The following DERA variants were observed in gnomAD, a reference collection of about 807,000 sequenced individuals.
The protein encoded by DERA is 2-deoxy-D-ribose 5-phosphate aldolase.
DERA carries 15 observed loss-of-function variants against 41.1 expected under a neutral mutation model. That is an observed-to-expected ratio of 0.37 (90% CI 0.24 to 0.56). DERA has a LOEUF of 0.56. DERA is among the 20% of genes least tolerant of loss of function. The pLI, the probability that DERA is intolerant of heterozygous loss-of-function variation, is 0.81. For synonymous variants in DERA, 139 were observed against 137.4 expected (o/e 1.01, Z -0.08); for missense variants, 396 against 403.4 (o/e 0.98, Z 0.16).
rs1948938318 is a variant in DERA at position 16,010,235 on chromosome 12, A to G, written c.638-22307A>G. The stretch of plus-strand genomic sequence containing the variant: ...CCTAGATGAGTTCTAGTTCATATGC[A>G]GAGTGGATCCAGGTTGCGTGCATGC... On this transcript the variant is annotated intron_variant, in intron 6 of 8. Coordinates refer to ENST00000428559, the MANE Select transcript of DERA (RefSeq NM_015954.4). The surrounding 1 kb of genome is among the most constrained non-coding windows in gnomAD (Gnocchi z 5.5). Among the ~76,000 whole-genome samples, 1 of 152,220 alleles carries G rather than the reference A, an allele frequency of 6.6e-6. No individual in the cohort carries two copies. Among genetic ancestry groups the G allele is most frequent in the African/African-American group, 2.4e-5 (1 of 41,462 alleles).
Position 15,972,782 on chromosome 12 carries a change from G to A in DERA, c.509-9526G>A, listed in dbSNP as rs953677261. ...TCTCAGGAGAAGGGATCTGCGTTCAGGGATCAGTGGGAGTGGTGCGGGACT... is the reference window on the plus strand; with the variant it reads ...TCTCAGGAGAAGGGATCTGCGTTCAAGGATCAGTGGGAGTGGTGCGGGACT... On this transcript the variant is annotated intron_variant, in intron 5 of 8. Coordinates refer to ENST00000428559, the MANE Select transcript of DERA (RefSeq NM_015954.4). This position sits in a 1 kb window ranked among gnomAD's most constrained non-coding sequence, Gnocchi z 4.4. Among the ~76,000 whole-genome samples, 2 of 152,160 alleles carry A rather than the reference G, an allele frequency of 1.3e-5. No homozygotes were observed. Among genetic ancestry groups the A allele is most frequent in the East Asian group, 1.9e-4 (1 of 5,174 alleles).
At chr12:16,022,561 A>G (rs1017233690) in intron 6 of DERA, among the ~76,000 whole-genome samples, 1 of 152,200 alleles carries the variant, frequency 6.6e-6, no homozygotes, top group Non-Finnish European at 1.5e-5. Context: ...AAGGACTTCC[A>G]GTTTCAGCTT....
chr12:16,004,347 CAGAAA>C lies in DERA; in HGVS notation c.637+21923_637+21927del, dbSNP rs1238064418. On this transcript the variant is annotated intron_variant, in intron 6 of 8. Coordinates refer to ENST00000428559, the MANE Select transcript of DERA (RefSeq NM_015954.4). This position sits in a 1 kb window ranked among gnomAD's most constrained non-coding sequence, Gnocchi z 4.2. ...CTACATAAAGCAAAAGGAACCACTG[CAGAAA>C]AGAAAAGAAAAACCCAACTCCTCCT... Among the ~76,000 whole-genome samples, 2 of 149,670 alleles carry C rather than the reference CAGAAA, an allele frequency of 1.3e-5. No individual in the cohort carries two copies. Among genetic ancestry groups the C allele is most frequent in the Non-Finnish European group, 2.9e-5 (2 of 67,986 alleles).
At chr12:15,933,043 A>G (rs1592004579) in intron 1 of DERA, among the ~76,000 whole-genome samples, 1 of 152,120 alleles carries the variant, frequency 6.6e-6, no homozygotes, top group Non-Finnish European at 1.5e-5. Flanking sequence ...ATTTAGGTTT[A>G]CTACATTTTC....
chr12:15,954,279 A>G lies in DERA; in HGVS notation c.32-2657A>G, dbSNP rs114297524. On this transcript the variant is annotated intron_variant, in intron 1 of 8. Coordinates refer to ENST00000428559, the MANE Select transcript of DERA (RefSeq NM_015954.4). The surrounding 1 kb of genome is among the most constrained non-coding windows in gnomAD (Gnocchi z 4.0). ...GGGAACCACTCGACTTATTTATCGT[A>G]TGCCACCCGTGCGTCAGGTCCTTCG... is the stretch of plus-strand genomic sequence containing the variant. Among the ~76,000 whole-genome samples, 849 of 152,254 alleles carry G rather than the reference A, an allele frequency of 5.6e-3. 6 individuals carry two copies. Among genetic ancestry groups the G allele is most frequent in the African/African-American group, 0.018 (756 of 41,550 alleles).
intron 6 of DERA, among the ~76,000 whole-genome samples, chr12:15,997,208 A>G (rs1308681971): frequency 6.6e-6 from 1 of 152,160 alleles, no homozygotes; most frequent in African/African-American, 2.4e-5. Flanking sequence ...CTGATAATAA[A>G]TACTGACACA....
intron 5 of DERA, among the ~76,000 whole-genome samples, chr12:15,969,779 A>C (rs1948647851): frequency 6.6e-6 from 1 of 152,188 alleles, no homozygotes; most frequent in Non-Finnish European, 1.5e-5. Flanking sequence ...AGAACATCTC[A>C]AAAATAAATT....
chr12:15,940,704 T>G lies in DERA; in HGVS notation c.32-16232T>G, dbSNP rs890930738. On this transcript the variant is annotated intron_variant, in intron 1 of 8. Transcript: ENST00000428559. This position sits in a 1 kb window ranked among gnomAD's most constrained non-coding sequence, Gnocchi z 5.1. ...AATTTAGATCTAAAAGTGAGCAATA[T>G]TTAGAATAGTCATTTATTTAAATGG... Among the ~76,000 whole-genome samples the G allele has an allele frequency of 2.0e-5, 3 of 152,206 alleles. No homozygotes were observed. The highest frequency in any genetic ancestry group is 2.9e-5 in the Non-Finnish European group (2 of 68,046).
At position 16,021,090 on chromosome 12, in the gene DERA, T is replaced by A. The variant is rs936978299; in HGVS notation, c.638-11452T>A. On this transcript the variant is annotated intron_variant, in intron 6 of 8. Transcript: ENST00000428559. The surrounding 1 kb of genome is among the most constrained non-coding windows in gnomAD (Gnocchi z 5.3). The stretch of plus-strand genomic sequence containing the variant: ...TGGAGCAACTGCTTGCTAGAGAGAT[T>A]AGCTTGTCTAAAAGGGAGCCAAGTG... Among the ~76,000 whole-genome samples the A allele has an allele frequency of 6.6e-6, 1 of 152,182 alleles. No homozygotes were observed. The highest frequency in any genetic ancestry group is 1.9e-4 in the East Asian group (1 of 5,198).
In DERA at chr12:15,926,194, G is replaced by GT. The variant is rs968431892; in HGVS notation, c.31+14790dup. On this transcript the variant is annotated intron_variant, in intron 1 of 8. Transcript: ENST00000428559. ...TACTGCTCTTCTTTTCTGAGGCACT[G>GT]TTTTTTTTTTCTTTTCAAGATGAAG... Among the ~76,000 whole-genome samples, 1,158 of 148,644 alleles carry GT rather than the reference G, an allele frequency of 7.8e-3. 13 individuals are homozygous for GT. The highest frequency in any genetic ancestry group is 0.026 in the African/African-American group (1,067 of 40,574).
In DERA at chr12:15,911,353, A is replaced by G; in HGVS notation, c.-31A>G. ...GGGCGCGGCGCAGAGGCGGGCGCCTACCAGCCGGCAGCTCCGGAGCTGCCC... is the reference window on the plus strand; with the variant it reads ...GGGCGCGGCGCAGAGGCGGGCGCCTGCCAGCCGGCAGCTCCGGAGCTGCCC... On this transcript the variant is annotated 5_prime_UTR_variant, in exon 1 of 9. Coordinates refer to ENST00000428559, the MANE Select transcript of DERA (RefSeq NM_015954.4). This position sits in a 1 kb window ranked among gnomAD's most constrained non-coding sequence, Gnocchi z 4.5. 1 of 1,424,944 alleles carries G rather than the reference A, an allele frequency of 7.0e-7. No homozygotes were observed. The highest frequency in any genetic ancestry group is 9.1e-7 in the Non-Finnish European group (1 of 1,099,754). 88.3% of individuals were successfully genotyped at this position (1,424,944 alleles called of 1,614,324 possible).
chr12:15,968,396 A>G (rs1017561659), intron 5 of DERA, among the ~76,000 whole-genome samples: 2 of 152,136 alleles, frequency 1.3e-5, no homozygotes, highest in African/African-American at 4.8e-5. Context: ...CTCTTGAGAA[A>G]AGAAGACTTT....
chr12:16,023,399 T>C (rs957453038), intron 6 of DERA, among the ~76,000 whole-genome samples: 1 of 152,026 alleles, frequency 6.6e-6, no homozygotes, highest in African/African-American at 2.4e-5. Flanking sequence ...TTTGTTCATG[T>C]TACCCAATAT....
At chr12:15,914,808 C>T (rs917087665) in intron 1 of DERA, among the ~76,000 whole-genome samples, 1 of 152,104 alleles carries the variant, frequency 6.6e-6, no homozygotes, top group Non-Finnish European at 1.5e-5. Flanking sequence ...CAGAGTCTCC[C>T]TCTGTTGCCC....
At position 15,981,762 on chromosome 12, in the gene DERA, C is replaced by G. The variant is rs531235886; in HGVS notation, c.509-546C>G. ...ACACATGCGTCCAGCACTACCTGGC[C>G]AGGCCTAACACTTTTTAGTCAGATA... On this transcript the variant is annotated intron_variant, in intron 5 of 8. Coordinates refer to ENST00000428559, the MANE Select transcript of DERA (RefSeq NM_015954.4). This position sits in a 1 kb window ranked among gnomAD's most constrained non-coding sequence, Gnocchi z 6.1. 6.6e-6 allele frequency among the ~76,000 whole-genome samples: 1 copy of G among 152,262 alleles called. No individual in the cohort carries two copies. The highest frequency in any genetic ancestry group is 2.1e-4 in the South Asian group (1 of 4,816).
At chr12:16,030,163 A>T (rs1234007319) in intron 6 of DERA, among the ~76,000 whole-genome samples, 13 of 149,286 alleles carry the variant, frequency 8.7e-5, no homozygotes, top group Admixed American at 7.3e-4. Flanking sequence ...TGAACTTCTG[A>T]CCTTGTGATC....
At chr12:15,934,122 T>C (rs1418197113) in intron 1 of DERA, among the ~76,000 whole-genome samples, 1 of 152,146 alleles carries the variant, frequency 6.6e-6, no homozygotes, top group African/African-American at 2.4e-5. Context: ...GTGAATCCAG[T>C]AATGGCCCAT....
intron 1 of DERA, among the ~76,000 whole-genome samples, chr12:15,927,140 T>A (rs923136083): frequency 6.6e-6 from 1 of 152,200 alleles, no homozygotes; most frequent in African/African-American, 2.4e-5. Context: ...TTAAAACATT[T>A]TGAAAGGGAG....
At chr12:15,962,208 C>G (rs930368509) in intron 4 of DERA, among the ~76,000 whole-genome samples, 2 of 152,164 alleles carry the variant, frequency 1.3e-5, no homozygotes, top group African/African-American at 4.8e-5. Context: ...CCCAACCCTG[C>G]CCCTGCCTCA....
Sources: allele counts gnomAD v4.1 joint callset (sites outside exome capture counted in the v4.1 genomes callset), GRCh38; gene constraint gnomAD v4.1.1; non-coding constraint Gnocchi (gnomAD v3.1); transcripts MANE v1.5; gene names NCBI Gene and HGNC (gene_info 2026-07-23, HGNC 2026-07-21).